MYO16: variants seen among roughly 807,000 people sequenced by gnomAD.
MYO16 encodes myosin XVI, also known as unconventional myosin-XVI.
MYO16 carries 94 observed loss-of-function variants against 205.3 expected under a neutral mutation model. The ratio of observed to expected loss-of-function variants is 0.46; its 90% CI spans 0.39 to 0.54. The LOEUF is 0.54. Ranked by LOEUF, MYO16 falls within the 20% of genes least tolerant of loss-of-function variation. The pLI, the probability that MYO16 is intolerant of heterozygous loss-of-function variation, is 0.00. For missense variants in MYO16, 2,315 were observed against 2,387.5 expected, an observed-to-expected ratio of 0.97 and a Z score of 0.63; for synonymous variants, 988 against 954.0, an observed-to-expected ratio of 1.04 and a Z score of -0.66.
the MYO16 span, among the ~76,000 whole-genome samples, chr13:108,572,989 G>A: frequency 6.6e-6 from 1 of 152,208 alleles, no homozygotes; most frequent in East Asian, 1.9e-4. Context: ...TCAGGCAGAA[G>A]GAGGAGGTAA....
chr13:109,056,228 A>C (rs1005204534), intron 27 of MYO16, among the ~76,000 whole-genome samples: 7 of 152,280 alleles, frequency 4.6e-5, no homozygotes, highest in Non-Finnish European at 8.8e-5. Flanking sequence ...TGCACAAGAC[A>C]GTGCACTCAT....
At chr13:108,986,580 C>T (rs1884642905) in intron 20 of MYO16, among the ~76,000 whole-genome samples, 1 of 133,086 alleles carries the variant, frequency 7.5e-6, no homozygotes, top group Non-Finnish European at 1.5e-5. Flanking sequence ...CGAGATGGTG[C>T]TATTGCACTC....
intron 2 of MYO16, among the ~76,000 whole-genome samples, chr13:108,707,301 A>G (rs115305412): frequency 0.015 from 2,326 of 152,296 alleles, 36 homozygotes; most frequent in Middle Eastern, 0.051. Context: ...TATAGGGATC[A>G]ATGGAACATA....
chr13:109,134,874 T>A (rs903278109), intron 31 of MYO16, among the ~76,000 whole-genome samples: 1 of 152,104 alleles, frequency 6.6e-6, no homozygotes, highest in Non-Finnish European at 1.5e-5. Flanking sequence ...GAAAGTACCA[T>A]CTGTATCAGT....
intron 11 of MYO16, among the ~76,000 whole-genome samples, chr13:108,860,631 T>C (rs1249658696): frequency 6.6e-6 from 1 of 152,158 alleles, no homozygotes; most frequent in Admixed American, 6.6e-5. Flanking sequence ...CCAACAACAG[T>C]GTACTGCTGC....
chr13:108,844,995 T>C (rs1877445694), intron 10 of MYO16, among the ~76,000 whole-genome samples: 1 of 152,014 alleles, frequency 6.6e-6, no homozygotes, highest in Admixed American at 6.6e-5. Context: ...TTATGGGAGG[T>C]AATTTTGGAT....
chr13:108,719,404 A>G (rs1884072557), intron 3 of MYO16, among the ~76,000 whole-genome samples: 1 of 152,050 alleles, frequency 6.6e-6, no homozygotes, highest in African/African-American at 2.4e-5. Context: ...TAATTCCACA[A>G]ATGGCTGATC....
intron 23 of MYO16, among the ~76,000 whole-genome samples, chr13:109,027,291 GGA>G (rs778735810): frequency 6.6e-6 from 1 of 152,014 alleles, no homozygotes; most frequent in Non-Finnish European, 1.5e-5. Context: ...TAATCCAGCC[GGA>G]CCGCATCTTA....
chr13:108,706,035 A>C (rs1926529), intron 2 of MYO16, among the ~76,000 whole-genome samples: 114,831 of 151,990 alleles, frequency 0.76, 43,623 homozygotes, highest in East Asian at 0.98. Context: ...ATACTGAAAT[A>C]TAAGATCAAG....
the MYO16 span, among the ~76,000 whole-genome samples, chr13:108,560,817 T>A: frequency 6.6e-6 from 1 of 152,206 alleles, no homozygotes; most frequent in South Asian, 2.1e-4. Flanking sequence ...TCAAATCAGA[T>A]AAAAATAACC....
intron 34 of MYO16, among the ~76,000 whole-genome samples, chr13:109,199,192 G>GTATATGTA (rs1555340467): frequency 2.6e-5 from 2 of 75,622 alleles, no homozygotes; most frequent in Non-Finnish European, 5.0e-5. Flanking sequence ...AATAAAAAAG[G>GTATATGTA]TATATATATA....
rs1211574883 is a variant in MYO16, at chr13:108,886,507, G to C, written c.1554-1865G>C. On this transcript the variant is annotated intron_variant, in intron 13 of 34. Coordinates refer to ENST00000457511, the MANE Select transcript of MYO16 (RefSeq NM_001198950.3). ...TTATGCGAAAGGGAAGCTCTCAGCA[G>C]AGAGGGGTCCTGAAGCAGGGTGCCT... The C allele has an allele frequency of 8.8e-6, 4 of 456,086 alleles. No homozygotes were observed. In the East Asian group the frequency reaches 2.8e-4, roughly 32 times the overall value. The allele number at this position is 456,086 out of a possible 1,614,324, so 28.3% of individuals were successfully genotyped here.
chr13:108,755,704 A>G (rs1228660101), intron 4 of MYO16, among the ~76,000 whole-genome samples: 1 of 152,186 alleles, frequency 6.6e-6, no homozygotes. Flanking sequence ...ATATTCTTCA[A>G]ATCTGCTTTT....
chr13:108,600,899 C>A (rs539443394), intron 1 of MYO16, among the ~76,000 whole-genome samples: 1 of 151,982 alleles, frequency 6.6e-6, no homozygotes, highest in African/African-American at 2.4e-5. Flanking sequence ...TATTTTCCAG[C>A]AGGTCTTATT....
chr13:108,897,021 T>C (rs1433094055), intron 14 of MYO16, among the ~76,000 whole-genome samples: 2 of 151,320 alleles, frequency 1.3e-5, no homozygotes, highest in Non-Finnish European at 2.9e-5. Context: ...AAGTAAATTT[T>C]TTAAAAAAAG....
chr13:108,856,086 C>G (rs1263349430), intron 11 of MYO16, among the ~76,000 whole-genome samples: 7 of 152,280 alleles, frequency 4.6e-5, no homozygotes, highest in Admixed American at 3.9e-4. Flanking sequence ...ACTCAAATGA[C>G]AGCATGGAGA....
intron 11 of MYO16, among the ~76,000 whole-genome samples, chr13:108,860,017 T>G (rs1282687447): frequency 6.6e-6 from 1 of 152,146 alleles, no homozygotes; most frequent in African/African-American, 2.4e-5. Flanking sequence ...CCTCTTTTTT[T>G]TTTTAACTTT....
At chr13:109,008,107 A>G (rs1279471480) in intron 21 of MYO16, among the ~76,000 whole-genome samples, 1 of 152,230 alleles carries the variant, frequency 6.6e-6, no homozygotes, top group East Asian at 1.9e-4. Flanking sequence ...ATGATATGGT[A>G]TCAGATATAC....
chr13:108,546,276 C>A, the MYO16 span, among the ~76,000 whole-genome samples: 1 of 152,164 alleles, frequency 6.6e-6, no homozygotes, highest in Non-Finnish European at 1.5e-5. Context: ...CTGAGCGCAT[C>A]ATTTCCAGAA....
Sources: gnomAD v4.1 joint callset for allele counts (sites outside exome capture counted in the v4.1 genomes callset) on GRCh38, gnomAD v4.1.1 for gene constraint, MANE v1.5 for transcripts, NCBI Gene and HGNC (gene_info 2026-07-23, HGNC 2026-07-21) for gene names.